LARP4B: variants seen among roughly 807,000 people sequenced by gnomAD.
LARP4B encodes the protein La ribonucleoprotein 4B.
LARP4B carries 12 observed loss-of-function variants against 89.8 expected under a neutral mutation model. The observed-to-expected ratio is 0.13, with a 90% CI of 0.09 to 0.22. LARP4B has a LOEUF of 0.22. Ranked by LOEUF, LARP4B falls within the 10% of genes least tolerant of loss-of-function variation. The pLI, the probability that LARP4B is intolerant of heterozygous loss-of-function variation, is 1.00. For synonymous variants in LARP4B, 367 were observed against 363.3 expected (o/e 1.01, Z -0.12); for missense variants, 757 against 947.7 (o/e 0.80, Z 2.64).
chr10:935,699 CTTTTTCTTTTT>C (rs1428842883), upstream of LARP4B, among the ~76,000 whole-genome samples: 1 of 146,108 alleles, frequency 6.8e-6, no homozygotes, highest in Non-Finnish European at 1.5e-5. Context: ...ACATTCTTTT[CTTTTTCTTTTT>C]TCTTTTCTTT....
intron 7 of LARP4B, among the ~76,000 whole-genome samples, chr10:839,070 G>A (rs762858059): frequency 6.6e-6 from 1 of 152,218 alleles, no homozygotes; most frequent in Non-Finnish European, 1.5e-5. Context: ...CAAAACTACA[G>A]AGGCAGTAAA....
chr10:924,110 G>C (rs1271544892), intron 1 of LARP4B, among the ~76,000 whole-genome samples: 2 of 151,954 alleles, frequency 1.3e-5, no homozygotes, highest in Middle Eastern at 3.2e-3. Context: ...AGGTGTGGTG[G>C]CATGCACCCA....
At chr10:982,169 G>C in the LARP4B span, among the ~76,000 whole-genome samples, 1 of 132,290 alleles carries the variant, frequency 7.6e-6, no homozygotes, top group African/African-American at 2.9e-5. Context: ...AGGCTGGAGT[G>C]CAGTGGCACA....
chr10:860,972 C>T (rs1230103182), intron 5 of LARP4B, among the ~76,000 whole-genome samples: 2 of 152,078 alleles, frequency 1.3e-5, no homozygotes, highest in Non-Finnish European at 2.9e-5. Context: ...CTGGCTAACA[C>T]GGTGAAACCC....
chr10:973,695 ACT>A, the LARP4B span, among the ~76,000 whole-genome samples: 5 of 152,120 alleles, frequency 3.3e-5, no homozygotes, highest in African/African-American at 7.2e-5. Context: ...CCACAGCCAC[ACT>A]GGTTCCCGTT....
chr10:939,494 C>T, the LARP4B span, among the ~76,000 whole-genome samples: 15 of 152,320 alleles, frequency 9.8e-5, no homozygotes, highest in Non-Finnish European at 1.8e-4. Flanking sequence ...TGTGTGTTTC[C>T]TTTGAAACTA....
chr10:872,777 T>C (rs1476597308), intron 3 of LARP4B, among the ~76,000 whole-genome samples: 1 of 152,172 alleles, frequency 6.6e-6, no homozygotes, highest in Non-Finnish European at 1.5e-5. Flanking sequence ...ACACAGTAGA[T>C]CACAGACCCC....
intron 1 of LARP4B, among the ~76,000 whole-genome samples, chr10:901,870 TAAG>T (rs1208098381): frequency 6.6e-6 from 1 of 152,194 alleles, no homozygotes; most frequent in African/African-American, 2.4e-5. Flanking sequence ...GTTCTCCTCC[TAAG>T]GAGGACATAA....
intron 3 of LARP4B, among the ~76,000 whole-genome samples, chr10:880,506 C>A (rs945688990): frequency 6.6e-6 from 1 of 151,886 alleles, no homozygotes; most frequent in Non-Finnish European, 1.5e-5. Flanking sequence ...GGCAACATGG[C>A]GAAACCCCAT....
At chr10:865,403 C>T (rs531197665) in intron 3 of LARP4B, among the ~76,000 whole-genome samples, 11 of 152,300 alleles carry the variant, frequency 7.2e-5, no homozygotes, top group East Asian at 5.8e-4. Context: ...AAAACCCTCC[C>T]GCATCAGCTT....
At chr10:967,794 G>A in the LARP4B span, among the ~76,000 whole-genome samples, 2 of 152,160 alleles carry the variant, frequency 1.3e-5, no homozygotes, top group African/African-American at 4.8e-5. Flanking sequence ...TCCGCCTCCT[G>A]GGCTCAAGCA....
intron 1 of LARP4B, among the ~76,000 whole-genome samples, chr10:911,717 T>C (rs1179219462): frequency 2.6e-5 from 4 of 152,200 alleles, no homozygotes; most frequent in Non-Finnish European, 5.9e-5. Context: ...GTACGGAGTC[T>C]GAAGAGTTGT....
chr10:814,818 G>A lies in LARP4B; in HGVS notation c.1853C>T (p.Thr618Ile). 1 of 1,596,742 alleles carries A rather than the reference G, an allele frequency of 6.3e-7. No individual in the cohort carries two copies. The highest frequency in any genetic ancestry group is 8.6e-7 in the Non-Finnish European group (1 of 1,166,840). ...DPKVAEKQRE[T>I]HSVDRLPSAL... Reference sequence around the variant, plus strand: ...GGAAGGAAGTCTGTCCACACTGTGGGTTTCCCTCTGTTTCTCCGCCACCTT... The same window carrying A: ...GGAAGGAAGTCTGTCCACACTGTGGATTTCCCTCTGTTTCTCCGCCACCTT... The change falls in exon 17 of 18, where the codon ACC becomes ATC. Residue 618 changes from threonine (T) to isoleucine (I), a missense_variant. Physicochemically the swap from Thr to Ile is moderately conservative, Grantham distance 89. This residue lies in a region of LARP4B where 387 missense variants were observed against 423.6 expected (regional missense o/e 0.91). Coordinates refer to ENST00000316157, the MANE Select transcript of LARP4B (RefSeq NM_015155.3). This position sits in a 1 kb window ranked among gnomAD's most constrained non-coding sequence, Gnocchi z 4.4.
intron 8 of LARP4B, among the ~76,000 whole-genome samples, chr10:832,148 A>G (rs1832938948): frequency 6.6e-6 from 1 of 152,124 alleles, no homozygotes; most frequent in Non-Finnish European, 1.5e-5. Flanking sequence ...GGTTCACGCC[A>G]TTCTCCTGCC....
chr10:826,456 T>C (rs1171034552), intron 11 of LARP4B, among the ~76,000 whole-genome samples: 3 of 152,156 alleles, frequency 2.0e-5, no homozygotes, highest in African/African-American at 7.2e-5. Flanking sequence ...TCAGAAGAAA[T>C]TAGAAAGGGT....
At chr10:967,991 C>T in the LARP4B span, among the ~76,000 whole-genome samples, 4 of 152,178 alleles carry the variant, frequency 2.6e-5, no homozygotes, top group African/African-American at 2.4e-5. Flanking sequence ...CAGGAGCCAC[C>T]GCGCCCGGCC....
At chr10:958,924 G>A in the LARP4B span, among the ~76,000 whole-genome samples, 5 of 152,218 alleles carry the variant, frequency 3.3e-5, no homozygotes, top group South Asian at 2.1e-4. Context: ...GAAACAAAAC[G>A]CATTAGACCA....
intron 7 of LARP4B, among the ~76,000 whole-genome samples, chr10:841,526 A>G (rs1257472677): frequency 1.3e-5 from 2 of 152,188 alleles, no homozygotes; most frequent in Admixed American, 1.3e-4. Flanking sequence ...GGTGGAAACG[A>G]CCCCTTGCCA....
chr10:935,263 TG>T, upstream of LARP4B, among the ~76,000 whole-genome samples: 1 of 152,122 alleles, frequency 6.6e-6, no homozygotes. Flanking sequence ...TACAAAGAAA[TG>T]GAGAGGTGCC....
Sources: gnomAD v4.1 joint callset for allele counts (sites outside exome capture counted in the v4.1 genomes callset) on GRCh38, gnomAD v4.1.1 for gene constraint, gnomAD v4.1.1 regional missense constraint, Gnocchi (gnomAD v3.1) non-coding constraint, MANE v1.5 for transcripts, NCBI Gene and HGNC (gene_info 2026-07-23, HGNC 2026-07-21) for gene names.